Variants in KLHL25 observed in about 807,000 individuals in gnomAD.
KLHL25 encodes the protein kelch-like protein 25.
A neutral mutation model predicts 30.0 loss-of-function variants in KLHL25; 41 were observed. That is an observed-to-expected ratio of 1.37 (90% confidence interval 1.07 to 1.78). The LOEUF (loss-of-function observed/expected upper bound fraction) is 1.78, where lower values mean the gene tolerates loss of function less well. Ranked by LOEUF, KLHL25 falls within the 40% of genes most tolerant of loss-of-function variation. The pLI is 0.00. For missense variants in KLHL25, 971 were observed against 824.5 expected (o/e 1.18, Z -2.18); for synonymous variants, 399 against 355.3 (o/e 1.12, Z -1.38).
intron 1 of KLHL25, among the ~76,000 whole-genome samples, chr15:85,794,038 C>T (rs1425520469): frequency 6.6e-6 from 1 of 152,184 alleles, no homozygotes; most frequent in Admixed American, 6.5e-5. Flanking sequence ...AAAGCAACTA[C>T]GAAAGAGACA....
chr15:85,766,507 T>A (rs1471530841), intron 2 of KLHL25, among the ~76,000 whole-genome samples: 2 of 151,702 alleles, frequency 1.3e-5, no homozygotes, highest in Admixed American at 6.5e-5. Context: ...CTCATGCCGA[T>A]CCTGCCCCTA....
chr15:85,773,017 G>A (rs2089687357), intron 1 of KLHL25, among the ~76,000 whole-genome samples: 1 of 152,234 alleles, frequency 6.6e-6, no homozygotes. Flanking sequence ...ACTGATGGCA[G>A]CCACTCACTC....
In KLHL25 at chr15:85,769,102, G is replaced by A. The variant is rs778284761; in HGVS notation, c.709C>T (p.Arg237Cys). ...CAGTCGGACGGCAGCAAGGCCAGAC[G>A]CACGCTGCGGAGGAGCTCGGGCAAG... is the stretch of plus-strand genomic sequence containing the variant. ...VHLPELLRSV[R>C]LALLPSDCLQ... The change falls in exon 2 of 3, where the codon CGT becomes TGT. Residue 237 changes from arginine (R) to cysteine (C), a missense_variant. Transcript: ENST00000337975. 1.4e-5 allele frequency: 22 copies of A among 1,606,520 alleles called. No individual in the cohort carries two copies. The highest frequency in any genetic ancestry group is 3.3e-5 in the South Asian group (3 of 90,874).
In KLHL25 at chr15:85,769,150, C is replaced by T. The variant is rs752358928; in HGVS notation, c.661G>A (p.Asp221Asn). ...FEAILQWVKH[D>N]LEPRKVHLPE... ...AAGTGGACCTTCCGTGGCTCCAGGT[C>T]GTGCTTCACCCACTGGAGGATGGCC... Residue 221 changes from aspartate (D) to asparagine (N), a missense_variant, in exon 2 of 3, where the codon GAC (aspartate) becomes AAC (asparagine). Physicochemically the swap from Asp to Asn is conservative, Grantham distance 23 (BLOSUM62 1). Transcript: ENST00000337975. The T allele has an allele frequency of 1.2e-5, 19 of 1,611,940 alleles. No homozygotes were observed. Among genetic ancestry groups the T allele is most frequent in the African/African-American group, 4.0e-5 (3 of 74,912 alleles).
intron 1 of KLHL25, among the ~76,000 whole-genome samples, chr15:85,775,168 C>A (rs548367239): frequency 6.6e-6 from 1 of 152,204 alleles, no homozygotes; most frequent in Non-Finnish European, 1.5e-5. Flanking sequence ...TGAGCCACTG[C>A]GCCCGGCCAG....
Position 85,760,446 on chromosome 15 carries a change from G to A in KLHL25, c.*590C>T, listed in dbSNP as rs2007514. 12,650 of 152,262 alleles carry A rather than the reference G, an allele frequency of 0.083. 872 individuals are homozygous for A. The highest frequency in any genetic ancestry group is 0.37 in the East Asian group (1,903 of 5,152). 9.4% of individuals were successfully genotyped at this position (152,262 alleles called of 1,614,324 possible). ...GGGCCCACAAACCTTGGAGGTCTGG[G>A]TGTCCTTTGCTAATAAGGCCTCATG... On this transcript the variant is annotated 3_prime_UTR_variant, in exon 3 of 3. Transcript: ENST00000337975.
intron 1 of KLHL25, among the ~76,000 whole-genome samples, chr15:85,770,227 A>C (rs1174938486): frequency 6.6e-6 from 1 of 152,230 alleles, no homozygotes; most frequent in Non-Finnish European, 1.5e-5. Context: ...AGTCCTCTAC[A>C]GAAGCTTCTC....
Position 85,768,844 on chromosome 15 carries a change from T to C in KLHL25, c.967A>G (p.Lys323Glu). The change falls in exon 2 of 3, where the codon AAG (lysine) becomes GAG (glutamate). Residue 323 changes from lysine (K) to glutamate (E), a missense_variant. Transcript: ENST00000337975. Reference protein sequence around the residue: ...VDHKAKEIIPKADLPSPRKEF... With the variant: ...VDHKAKEIIPEADLPSPRKEF... Reference sequence around the variant, plus strand: ...TTCCGGGGGCTGGGCAGGTCGGCCTTGGGGATGATCTCCTTGGCCTTGTGG... The same window carrying C: ...TTCCGGGGGCTGGGCAGGTCGGCCTCGGGGATGATCTCCTTGGCCTTGTGG... 6.2e-7 allele frequency: 1 copy of C among 1,613,346 alleles called. No homozygotes were observed. The highest frequency in any genetic ancestry group is 8.5e-7 in the Non-Finnish European group (1 of 1,180,038).
chr15:85,772,275 G>T (rs1016571318), intron 1 of KLHL25, among the ~76,000 whole-genome samples: 1 of 152,220 alleles, frequency 6.6e-6, no homozygotes, highest in South Asian at 2.1e-4. Context: ...CTGAGGTCAC[G>T]TTCAAGGGCC....
At chr15:85,784,358 G>C (rs117076612) in intron 1 of KLHL25, among the ~76,000 whole-genome samples, 1 of 151,778 alleles carries the variant, frequency 6.6e-6, no homozygotes, top group East Asian at 1.9e-4. Flanking sequence ...ATGAAACCCC[G>C]GTATCTACTA....
intron 1 of KLHL25, among the ~76,000 whole-genome samples, chr15:85,773,057 C>T (rs1387342680): frequency 6.6e-6 from 1 of 152,256 alleles, no homozygotes; most frequent in Admixed American, 6.5e-5. Context: ...AAGTGAGGCA[C>T]TGGAGCCCCA....
At chr15:85,765,769 T>G (rs1031254957) in intron 2 of KLHL25, among the ~76,000 whole-genome samples, 3 of 149,284 alleles carry the variant, frequency 2.0e-5, no homozygotes, top group African/African-American at 4.9e-5. Context: ...GAGGTGGAGG[T>G]TGCAGTGAGC....
At chr15:85,770,770 TC>T in intron 1 of KLHL25, among the ~76,000 whole-genome samples, 1 of 152,230 alleles carries the variant, frequency 6.6e-6, no homozygotes, top group South Asian at 2.1e-4. Context: ...ACGCAGCGCC[TC>T]CCCTGCCTCC....
chr15:85,762,871 C>G (rs1597269761), intron 2 of KLHL25: 1 of 152,340 alleles, frequency 6.6e-6, no homozygotes, highest in South Asian at 2.1e-4. Flanking sequence ...GTCCCTCCTG[C>G]AGCAGTGACG....
intron 1 of KLHL25, among the ~76,000 whole-genome samples, chr15:85,778,025 G>C (rs961442509): frequency 6.6e-6 from 1 of 152,196 alleles, no homozygotes; most frequent in African/African-American, 2.4e-5. Context: ...GCCGCAGCAA[G>C]GAACAACCCC....
At chr15:85,772,609 C>A (rs899075818) in intron 1 of KLHL25, among the ~76,000 whole-genome samples, 1 of 152,208 alleles carries the variant, frequency 6.6e-6, no homozygotes, top group African/African-American at 2.4e-5. Flanking sequence ...AACTGGGCTG[C>A]CTGCGAGAGT....
At chr15:85,783,136 A>G (rs1008424766) in intron 1 of KLHL25, among the ~76,000 whole-genome samples, 12 of 152,134 alleles carry the variant, frequency 7.9e-5, no homozygotes, top group African/African-American at 2.7e-4. Flanking sequence ...GTCTCACTCT[A>G]TCGCCCAAGC....
chr15:85,792,224 G>A (rs1306536158), intron 1 of KLHL25, among the ~76,000 whole-genome samples: 1 of 152,122 alleles, frequency 6.6e-6, no homozygotes, highest in African/African-American at 2.4e-5. Context: ...AGCTGTGGAT[G>A]CTTAAGTTCT....
chr15:85,792,909 C>T (rs2089827134), intron 1 of KLHL25, among the ~76,000 whole-genome samples: 1 of 152,320 alleles, frequency 6.6e-6, no homozygotes, highest in South Asian at 2.1e-4. Context: ...AGCACTCCCT[C>T]ATCTAGGTGC....
Sources: gnomAD v4.1 joint callset for allele counts (sites outside exome capture counted in the v4.1 genomes callset) on GRCh38, gnomAD v4.1.1 for gene constraint, MANE v1.5 for transcripts, NCBI Gene and HGNC (gene_info 2026-07-23, HGNC 2026-07-21) for gene names.